Variants in SDR42E1 observed in about 807,000 individuals in gnomAD.
SDR42E1 encodes short chain dehydrogenase/reductase family 42E, member 1, also known as short-chain dehydrogenase/reductase family 42E member 1.
A neutral mutation model predicts 2.6 loss-of-function variants in SDR42E1; 5 were observed. That is an observed-to-expected ratio of 1.94 (90% confidence interval 1.01 to 4.08). The LOEUF (loss-of-function observed/expected upper bound fraction) is 4.08, where lower values mean the gene tolerates loss of function less well. Among genes scored for constraint, SDR42E1 ranks in the 30% most tolerant of loss-of-function variants. SDR42E1 has a pLI of 0.00. For missense variants in SDR42E1, 596 were observed against 478.6 expected (o/e 1.25, Z -2.29); for synonymous variants, 231 against 188.3 (o/e 1.23, Z -1.86).
chr16:81,999,563 C>A lies in SDR42E1; in HGVS notation c.730G>T (p.Gly244Cys). Residue 244 changes from glycine (G) to cysteine (C), a missense_variant, in exon 3 of 3, where the codon GGC becomes TGC. Transcript: ENST00000328945. The part of the protein sequence containing the change: ...LASEALRADK[G>C]HIASGQPYFI... ...TAGGGCTGCCCAGAGGCAATATGGC[C>A]CTTGTCAGCTCTCAGGGCTTCTGAG... 6.2e-7 allele frequency: 1 copy of A among 1,614,074 alleles called. No homozygotes were observed. Among genetic ancestry groups the A allele is most frequent in the East Asian group, 2.2e-5 (1 of 44,874 alleles).
In SDR42E1 at chr16:81,997,195, A is replaced by C. The variant is rs1912561618; in HGVS notation, c.*1916T>G. 2.0e-5 allele frequency: 3 copies of C among 152,294 alleles called. No individual in the cohort carries two copies. In the South Asian group the frequency reaches 6.2e-4, roughly 32 times the overall value. The allele number at this position is 152,294 out of a possible 1,614,324, so 9.4% of individuals were successfully genotyped here. On this transcript the variant is annotated 3_prime_UTR_variant, in exon 3 of 3. Transcript: ENST00000328945. The stretch of plus-strand genomic sequence containing the variant: ...GGAAAGGGATATAGTGCAAAATGTT[A>C]ACACAGCCGTTGGGCCCCTAAAATC...
rs1912453552 is a variant in SDR42E1, at chr16:81,992,653, C to G, written c.*6458G>C. 1 of 152,156 alleles carries G rather than the reference C, an allele frequency of 6.6e-6. No individual in the cohort carries two copies. The highest frequency in any genetic ancestry group is 2.4e-5 in the African/African-American group (1 of 41,434). The allele number at this position is 152,156 out of a possible 1,614,324, so 9.4% of individuals were successfully genotyped here. A position where few individuals can be genotyped will look rare whatever the true frequency, so the allele number is the denominator to read the frequency against. On this transcript the variant is annotated 3_prime_UTR_variant, in exon 3 of 3. Coordinates refer to ENST00000328945, the MANE Select transcript of SDR42E1 (RefSeq NM_145168.3). ...GAAGAATTTTTTAATTACTTGCATG[C>G]TTTAACCAGCTGTTAAAAATAAACA...
In SDR42E1 at chr16:81,991,614, G is replaced by A. The variant is rs369255945; in HGVS notation, c.*7497C>T. The A allele has an allele frequency of 1.1e-4, 17 of 151,962 alleles. No individual in the cohort carries two copies. The highest frequency in any genetic ancestry group is 4.1e-4 in the African/African-American group (17 of 41,330). 9.4% of individuals were successfully genotyped at this position (151,962 alleles called of 1,614,324 possible). On this transcript the variant is annotated 3_prime_UTR_variant, in exon 3 of 3. Transcript: ENST00000328945. Reference sequence around the variant, plus strand: ...TAGTCCCAGTTACTTGGGAGGCTGAGGTAGGACAATCATTTGAGCCCAGGA... The same window carrying A: ...TAGTCCCAGTTACTTGGGAGGCTGAAGTAGGACAATCATTTGAGCCCAGGA...
At chr16:82,001,833 C>T (rs935816219) in intron 1 of SDR42E1, among the ~76,000 whole-genome samples, 4 of 147,630 alleles carry the variant, frequency 2.7e-5, no homozygotes, top group African/African-American at 1.0e-4. Flanking sequence ...ACCCAGGAGG[C>T]GTAGCTGGCA....
rs1469080827 is a variant in SDR42E1 at position 81,995,046 on chromosome 16, G to A, written c.*4065C>T. On this transcript the variant is annotated 3_prime_UTR_variant, in exon 3 of 3. Coordinates refer to ENST00000328945, the MANE Select transcript of SDR42E1 (RefSeq NM_145168.3). The stretch of plus-strand genomic sequence containing the variant: ...AAACGGCACTGAGGACATCCAAGAA[G>A]TATTTCCAACAGGCTTTCCAGACCG... The A allele has an allele frequency of 6.6e-6, 1 of 152,188 alleles. No homozygotes were observed. Among genetic ancestry groups the A allele is most frequent in the East Asian group, 1.9e-4 (1 of 5,174 alleles). 9.4% of individuals were successfully genotyped at this position (152,188 alleles called of 1,614,324 possible).
Position 81,999,334 on chromosome 16 carries a change from C to T in SDR42E1, c.959G>A (p.Gly320Asp), listed in dbSNP as rs3813012. Residue 320 changes from glycine (G) to aspartate (D), a missense_variant, in exon 3 of 3, where the codon GGT (glycine) becomes GAT (aspartate). By Grantham distance (94) the Gly-to-Asp change is moderately conservative. Coordinates refer to ENST00000328945, the MANE Select transcript of SDR42E1 (RefSeq NM_145168.3). ...FLTRTEVYKT[G>D]VTHYFSLEKA... ...CTCTAAGCTAAAATAATGTGTGACACCAGTTTTGTAAACTTCAGTGCGAGT... is the reference window on the plus strand; with the variant it reads ...CTCTAAGCTAAAATAATGTGTGACATCAGTTTTGTAAACTTCAGTGCGAGT... 5.6e-4 allele frequency: 896 copies of T among 1,614,164 alleles called. 13 individuals are homozygous for T. In the East Asian group the frequency reaches 0.02, roughly 36 times the overall value.
chr16:82,009,297 C>A (rs1157617031), intron 1 of SDR42E1, among the ~76,000 whole-genome samples: 2 of 152,200 alleles, frequency 1.3e-5, no homozygotes, highest in Non-Finnish European at 2.9e-5. Context: ...ATCCTCCAGA[C>A]CCCAGAATGG....
intron 1 of SDR42E1, among the ~76,000 whole-genome samples, chr16:82,008,631 G>T (rs180815773): frequency 1.3e-5 from 2 of 152,252 alleles, no homozygotes; most frequent in African/African-American, 4.8e-5. Flanking sequence ...GATGATTTAG[G>T]GTATCTGGGG....
In SDR42E1 at chr16:81,994,895, T is replaced by A. The variant is rs748316556; in HGVS notation, c.*4216A>T. On this transcript the variant is annotated 3_prime_UTR_variant, in exon 3 of 3. Transcript: ENST00000328945. ...AAATAAAACATTTTCTTGAAAAGAA[T>A]CCCTAGGCCTATTCCCTAGGTTTGA... is the stretch of plus-strand genomic sequence containing the variant. 1.3e-5 allele frequency: 2 copies of A among 152,166 alleles called. No individual in the cohort carries two copies. Among genetic ancestry groups the A allele is most frequent in the East Asian group, 1.9e-4 (1 of 5,188 alleles). The allele number at this position is 152,166 out of a possible 1,614,324, so 9.4% of individuals were successfully genotyped here. A position where few individuals can be genotyped will look rare whatever the true frequency, so the allele number is the denominator to read the frequency against.
chr16:82,003,329 G>T (rs989089426), intron 1 of SDR42E1, among the ~76,000 whole-genome samples: 7 of 152,132 alleles, frequency 4.6e-5, no homozygotes, highest in African/African-American at 1.7e-4. Context: ...CTCCCATTTG[G>T]ATTTAGAGTA....
rs1912563820 is a variant in SDR42E1, at chr16:81,997,278, A to C, written c.*1833T>G. ...TAGCTGGAAATGTGGGCAACGTTTC[A>C]TGGAAAAGGAAGGATGACTCACATC... On this transcript the variant is annotated 3_prime_UTR_variant, in exon 3 of 3. Coordinates refer to ENST00000328945, the MANE Select transcript of SDR42E1 (RefSeq NM_145168.3). 1 of 152,374 alleles carries C rather than the reference A, an allele frequency of 6.6e-6. No homozygotes were observed. Among genetic ancestry groups the C allele is most frequent in the East Asian group, 1.9e-4 (1 of 5,190 alleles). The allele number at this position is 152,374 out of a possible 1,614,324, so 9.4% of individuals were successfully genotyped here.
In SDR42E1 at chr16:81,998,027, CTG is replaced by C; in HGVS notation, c.*1082_*1083del. On this transcript the variant is annotated 3_prime_UTR_variant, in exon 3 of 3. Transcript: ENST00000328945. ...CTGGAGCCATGGACAGACATGGACT[CTG>C]TCTTCTTTCCACTTGGGTTCCTATG... 6.6e-6 allele frequency: 1 copy of C among 152,366 alleles called. No individual in the cohort carries two copies. Among genetic ancestry groups the C allele is most frequent in the Admixed American group, 6.5e-5 (1 of 15,304 alleles). 9.4% of individuals were successfully genotyped at this position (152,366 alleles called of 1,614,324 possible).
chr16:81,999,629 A>T lies in SDR42E1; in HGVS notation c.664T>A (p.Phe222Ile). 6.2e-7 allele frequency: 1 copy of T among 1,614,024 alleles called. No homozygotes were observed. The highest frequency in any genetic ancestry group is 1.1e-5 in the South Asian group (1 of 91,058). The change falls in exon 3 of 3, where the codon TTT (phenylalanine) becomes ATT (isoleucine). Residue 222 changes from phenylalanine to isoleucine, a missense_variant. By Grantham distance (21) the Phe-to-Ile change is conservative. Transcript: ENST00000328945. ...VYGDPRSLVEFVHVDNLVQAH... is the reference protein window; with the variant it reads ...VYGDPRSLVEIVHVDNLVQAH... ...TGCACCAAGTTATCCACGTGGACAAACTCAACCAGGCTCCTGGGGTCCCCG... is the reference window on the plus strand; with the variant it reads ...TGCACCAAGTTATCCACGTGGACAATCTCAACCAGGCTCCTGGGGTCCCCG...
intron 1 of SDR42E1, among the ~76,000 whole-genome samples, chr16:82,004,040 G>A (rs1912853551): frequency 6.6e-6 from 1 of 152,196 alleles, no homozygotes; most frequent in Admixed American, 6.5e-5. Flanking sequence ...GCCGGGTTAT[G>A]AAATGAAAGA....
At chr16:82,006,652 G>A (rs1213496574) in intron 1 of SDR42E1, among the ~76,000 whole-genome samples, 2 of 152,140 alleles carry the variant, frequency 1.3e-5, no homozygotes, top group African/African-American at 4.8e-5. Flanking sequence ...AAATTCGCCA[G>A]GCGTGGTGAT....
At chr16:82,004,272 C>G (rs1463471483) in intron 1 of SDR42E1, among the ~76,000 whole-genome samples, 1 of 152,102 alleles carries the variant, frequency 6.6e-6, no homozygotes. Context: ...TTTAGCACTA[C>G]AGGGCCCATG....
chr16:81,998,702 A>G lies in SDR42E1; in HGVS notation c.*409T>C, dbSNP rs1912615265. ...GGCCAATTTGGTGTTTTTCACACGC[A>G]TTCAAGCCTGATAGTGTTTCGCCAT... On this transcript the variant is annotated 3_prime_UTR_variant, in exon 3 of 3. Coordinates refer to ENST00000328945, the MANE Select transcript of SDR42E1 (RefSeq NM_145168.3). 1 of 183,950 alleles carries G rather than the reference A, an allele frequency of 5.4e-6. No homozygotes were observed. The highest frequency in any genetic ancestry group is 1.1e-5 in the Non-Finnish European group (1 of 88,422). The allele number at this position is 183,950 out of a possible 1,614,324, so 11.4% of individuals were successfully genotyped here.
rs913552538 is a variant in SDR42E1 at position 81,988,867 on chromosome 16, A to T, written c.*10244T>A. 6.6e-6 allele frequency: 1 copy of T among 152,214 alleles called. No individual in the cohort carries two copies. Among genetic ancestry groups the T allele is most frequent in the Admixed American group, 6.5e-5 (1 of 15,280 alleles). 9.4% of individuals were successfully genotyped at this position (152,214 alleles called of 1,614,324 possible). The stretch of plus-strand genomic sequence containing the variant: ...ACTATACATAAGATTTTCTTTAGGT[A>T]ATTTTTTATTAATATTTCAATGTTG... On this transcript the variant is annotated 3_prime_UTR_variant, in exon 3 of 3. Transcript: ENST00000328945.
chr16:82,007,095 G>A (rs1912964955), intron 1 of SDR42E1, among the ~76,000 whole-genome samples: 1 of 152,204 alleles, frequency 6.6e-6, no homozygotes, highest in Non-Finnish European at 1.5e-5. Context: ...TTTCCCATCT[G>A]TTTCCCAAGC....
Sources: allele counts gnomAD v4.1 joint callset (sites outside exome capture counted in the v4.1 genomes callset), GRCh38; gene constraint gnomAD v4.1.1; transcripts MANE v1.5; gene names NCBI Gene and HGNC (gene_info 2026-07-23, HGNC 2026-07-21).